PTPRD: variants seen among roughly 807,000 people sequenced by gnomAD.
PTPRD encodes the protein protein tyrosine phosphatase receptor type D.
In PTPRD, 34 loss-of-function variants were observed where a neutral mutation model predicts 214.5. That is an observed-to-expected ratio of 0.16 (90% CI 0.12 to 0.21). The LOEUF (loss-of-function observed/expected upper bound fraction) is 0.21, where lower values mean the gene tolerates loss of function less well. PTPRD is among the 10% of genes least tolerant of loss of function. The probability of loss-of-function intolerance (pLI) is 1.00; values close to 1 mark genes in which losing one functional copy is unlikely to be tolerated. For missense variants in PTPRD, 2,545 were observed against 2,398.7 expected (o/e 1.06, Z -1.27); for synonymous variants, 1,128 against 845.7 (o/e 1.33, Z -5.79).
chr9:9,108,581 A>G (rs2099801949), intron 10 of PTPRD, among the ~76,000 whole-genome samples: 2 of 152,198 alleles, frequency 1.3e-5, no homozygotes. Context: ...TATGCCACTT[A>G]TAACACTTGG....
chr9:9,712,969 A>C (rs2097762903), intron 7 of PTPRD, among the ~76,000 whole-genome samples: 1 of 152,204 alleles, frequency 6.6e-6, no homozygotes, highest in Non-Finnish European at 1.5e-5. Context: ...TCATTTGCTA[A>C]ATCAGTCGCT....
At chr9:8,989,103 G>C (rs953260410) in intron 11 of PTPRD, among the ~76,000 whole-genome samples, 2 of 151,854 alleles carry the variant, frequency 1.3e-5, no homozygotes, top group Non-Finnish European at 2.9e-5. Context: ...TATGATAGTT[G>C]TATATATTTT....
intron 5 of PTPRD, among the ~76,000 whole-genome samples, chr9:9,863,770 C>T (rs2063313094): frequency 6.6e-6 from 1 of 151,912 alleles, no homozygotes; most frequent in East Asian, 1.9e-4. Flanking sequence ...CAGAAAGACA[C>T]TCTCTTTTGT....
At chr9:9,894,739 G>A (rs1346134678) in intron 5 of PTPRD, among the ~76,000 whole-genome samples, 1 of 151,956 alleles carries the variant, frequency 6.6e-6, no homozygotes, top group Non-Finnish European at 1.5e-5. Context: ...TATATTCTAT[G>A]CATTCGGAGA....
At chr9:10,109,933 G>A in intron 3 of PTPRD, among the ~76,000 whole-genome samples, 1 of 151,204 alleles carries the variant, frequency 6.6e-6, no homozygotes, top group East Asian at 1.9e-4. Context: ...TTTTTCAGCT[G>A]TTTCCTGATA....
intron 6 of PTPRD, among the ~76,000 whole-genome samples, chr9:9,752,248 T>C (rs1397039498): frequency 1.3e-5 from 2 of 152,002 alleles, no homozygotes; most frequent in Admixed American, 6.6e-5. Context: ...GCACAAGTAA[T>C]TGAGAGGAAA....
intron 14 of PTPRD, among the ~76,000 whole-genome samples, chr9:8,591,363 C>G (rs1487200695): frequency 1.3e-5 from 2 of 152,120 alleles, no homozygotes; most frequent in Non-Finnish European, 2.9e-5. Context: ...TTGCTCCTGC[C>G]TGTGAATGGT....
chr9:9,878,501 G>T (rs1006707330), intron 5 of PTPRD, among the ~76,000 whole-genome samples: 1 of 152,114 alleles, frequency 6.6e-6, no homozygotes, highest in African/African-American at 2.4e-5. Flanking sequence ...TCCAGGAGGG[G>T]CAAATAAATG....
At chr9:10,079,571 T>C (rs1024663101) in intron 3 of PTPRD, among the ~76,000 whole-genome samples, 2 of 152,242 alleles carry the variant, frequency 1.3e-5, no homozygotes, top group South Asian at 4.1e-4. Flanking sequence ...GATAGAGATT[T>C]GGATTTTAAT....
chr9:8,332,161 T>TCTGG, intron 43 of PTPRD, among the ~76,000 whole-genome samples: 1 of 152,196 alleles, frequency 6.6e-6, no homozygotes, highest in Non-Finnish European at 1.5e-5. Context: ...AATTACTTTG[T>TCTGG]AATAAATATT....
chr9:9,221,742 A>G (rs1229403633), intron 9 of PTPRD, among the ~76,000 whole-genome samples: 1 of 152,060 alleles, frequency 6.6e-6, no homozygotes, highest in African/African-American at 2.4e-5. Context: ...TACACTTTGG[A>G]GGACCAGAAT....
chr9:9,705,374 A>G (rs994904666), intron 7 of PTPRD, among the ~76,000 whole-genome samples: 2 of 152,180 alleles, frequency 1.3e-5, no homozygotes, highest in Non-Finnish European at 2.9e-5. Flanking sequence ...CTGAAACCTA[A>G]TATTTTGAAA....
intron 8 of PTPRD, among the ~76,000 whole-genome samples, chr9:9,474,143 G>C (rs1007318347): frequency 6.6e-6 from 1 of 152,038 alleles, no homozygotes; most frequent in Non-Finnish European, 1.5e-5. Context: ...TAGATGGTGA[G>C]AGATAGGGGT....
intron 8 of PTPRD, among the ~76,000 whole-genome samples, chr9:9,487,946 A>G (rs1288810800): frequency 6.6e-6 from 1 of 152,196 alleles, no homozygotes; most frequent in Non-Finnish European, 1.5e-5. Context: ...TTGTCAAAAT[A>G]ATAGCTTGAA....
intron 10 of PTPRD, among the ~76,000 whole-genome samples, chr9:9,123,178 G>A (rs777721915): frequency 3.3e-5 from 5 of 152,104 alleles, no homozygotes; most frequent in Non-Finnish European, 5.9e-5. Flanking sequence ...TTTCATTTGC[G>A]GTTAGATTTA....
chr9:9,722,636 A>T (rs990893330), intron 7 of PTPRD, among the ~76,000 whole-genome samples: 1 of 152,046 alleles, frequency 6.6e-6, no homozygotes, highest in Non-Finnish European at 1.5e-5. Context: ...CATTTGAAGA[A>T]CTGCTAAACT....
chr9:9,923,847 A>G (rs754893105), intron 5 of PTPRD, among the ~76,000 whole-genome samples: 5 of 151,990 alleles, frequency 3.3e-5, no homozygotes, highest in Non-Finnish European at 7.4e-5. Context: ...ATCAAGGAGA[A>G]TGAAGTGCGA....
intron 2 of PTPRD, among the ~76,000 whole-genome samples, chr9:10,468,770 G>T (rs1397664168): frequency 6.6e-6 from 1 of 152,084 alleles, no homozygotes; most frequent in Non-Finnish European, 1.5e-5. Context: ...GTATATTTAT[G>T]CATATATAAG....
At chr9:9,258,098 T>C (rs1368985889) in intron 9 of PTPRD, among the ~76,000 whole-genome samples, 1 of 148,588 alleles carries the variant, frequency 6.7e-6, no homozygotes, top group African/African-American at 2.4e-5. Context: ...TAGAGATAGA[T>C]AGATAGATAG....
Sources: allele counts gnomAD v4.1 joint callset (sites outside exome capture counted in the v4.1 genomes callset), GRCh38; gene constraint gnomAD v4.1.1; transcripts MANE v1.5; gene names NCBI Gene and HGNC (gene_info 2026-07-23, HGNC 2026-07-21).